Variants in CENPW observed in about 807,000 individuals in gnomAD.
CENPW encodes centromere protein W, also known as cancer-up-regulated gene 2 protein.
A neutral mutation model predicts 11.1 loss-of-function variants in CENPW; 3 were observed. The observed-to-expected ratio is 0.27, with a 90% CI of 0.12 to 0.70. The LOEUF is 0.70. CENPW is among the 30% of genes least tolerant of loss of function. The pLI is 0.77. For synonymous variants in CENPW, 38 were observed against 42.0 expected (o/e 0.91, Z 0.37); for missense variants, 100 against 105.6 (o/e 0.95, Z 0.23).
the CENPW span, among the ~76,000 whole-genome samples, chr6:126,481,304 T>A: frequency 6.6e-6 from 1 of 151,978 alleles, no homozygotes; most frequent in Admixed American, 6.6e-5. Flanking sequence ...ATACTTAGAA[T>A]GTAATTTCTG....
chr6:126,355,813 G>A, the CENPW span, among the ~76,000 whole-genome samples: 1 of 152,030 alleles, frequency 6.6e-6, no homozygotes, highest in Admixed American at 6.6e-5. Flanking sequence ...CAGAATGGAA[G>A]CTCTTCTAGG....
chr6:126,451,299 A>T, the CENPW span, among the ~76,000 whole-genome samples: 1 of 150,918 alleles, frequency 6.6e-6, no homozygotes, highest in Non-Finnish European at 1.5e-5. Flanking sequence ...CTCAGAATGA[A>T]ATATTAGCAA....
the CENPW span, among the ~76,000 whole-genome samples, chr6:126,446,269 C>G: frequency 6.6e-6 from 1 of 150,888 alleles, no homozygotes; most frequent in South Asian, 2.1e-4. Context: ...TTATAATGAA[C>G]CCAGAATACA....
the CENPW span, among the ~76,000 whole-genome samples, chr6:126,476,945 G>A: frequency 2.6e-5 from 4 of 151,900 alleles, no homozygotes; most frequent in African/African-American, 9.7e-5. Flanking sequence ...CAGTTTAAAT[G>A]GGTGACTGTT....
At chr6:126,345,237 C>A (rs1583954668) in intron 1 of CENPW, among the ~76,000 whole-genome samples, 1 of 151,732 alleles carries the variant, frequency 6.6e-6, no homozygotes, top group East Asian at 1.9e-4. Context: ...TTTTATATGA[C>A]ATATCAGAGC....
downstream of CENPW, among the ~76,000 whole-genome samples, chr6:126,353,401 A>C (rs1342177647): frequency 5.3e-5 from 8 of 151,982 alleles, no homozygotes; most frequent in Non-Finnish European, 1.0e-4. Context: ...AATAATGTTA[A>C]AATGTCATTT....
the CENPW span, among the ~76,000 whole-genome samples, chr6:126,431,981 C>G: frequency 6.9e-5 from 10 of 145,972 alleles, no homozygotes; most frequent in African/African-American, 2.5e-4. Flanking sequence ...AGGAGAATCG[C>G]TTGAACCCAG....
the CENPW span, among the ~76,000 whole-genome samples, chr6:126,409,190 T>C: frequency 6.6e-6 from 1 of 152,200 alleles, no homozygotes; most frequent in Non-Finnish European, 1.5e-5. Flanking sequence ...AACTCATTGG[T>C]TGTTCAGGAG....
the CENPW span, among the ~76,000 whole-genome samples, chr6:126,393,738 A>T: frequency 6.7e-6 from 1 of 149,424 alleles, no homozygotes; most frequent in South Asian, 2.1e-4. Flanking sequence ...TATAAATTAT[A>T]TATGGATATA....
At chr6:126,459,100 A>T in the CENPW span, among the ~76,000 whole-genome samples, 2 of 151,372 alleles carry the variant, frequency 1.3e-5, no homozygotes, top group South Asian at 4.2e-4. Context: ...TTGCTATTTA[A>T]TTATTTTGTA....
At chr6:126,357,561 C>A in the CENPW span, among the ~76,000 whole-genome samples, 1 of 151,430 alleles carries the variant, frequency 6.6e-6, no homozygotes, top group African/African-American at 2.4e-5. Flanking sequence ...GAACATTTTT[C>A]GATTTATTTG....
chr6:126,399,956 G>A, the CENPW span, among the ~76,000 whole-genome samples: 20 of 151,974 alleles, frequency 1.3e-4, no homozygotes, highest in East Asian at 3.5e-3. Context: ...ACCAAATAAT[G>A]TTTTTGTATT....
chr6:126,473,943 GTATAGAATATATACAGAATATA>G, the CENPW span, among the ~76,000 whole-genome samples: 1 of 147,498 alleles, frequency 6.8e-6, no homozygotes, highest in East Asian at 2.0e-4. Context: ...TATATAGAAT[GTATAGAATATATACAGAATATA>G]TATAGAATAT....
the CENPW span, among the ~76,000 whole-genome samples, chr6:126,434,599 G>A: frequency 4.8e-3 from 737 of 151,980 alleles, 9 homozygotes; most frequent in African/African-American, 0.016. Context: ...TGAAAACTAC[G>A]TTACAAATTC....
At chr6:126,365,334 G>A in the CENPW span, among the ~76,000 whole-genome samples, 7 of 152,198 alleles carry the variant, frequency 4.6e-5, no homozygotes, top group African/African-American at 1.7e-4. Flanking sequence ...TATAAGAAAA[G>A]AGGTTTAATT....
At chr6:126,398,779 A>T in the CENPW span, among the ~76,000 whole-genome samples, 2 of 151,448 alleles carry the variant, frequency 1.3e-5, no homozygotes, top group Admixed American at 6.6e-5. Flanking sequence ...TAAGCATAGT[A>T]CCCAATATAT....
chr6:126,399,669 C>A, the CENPW span, among the ~76,000 whole-genome samples: 2 of 151,542 alleles, frequency 1.3e-5, no homozygotes, highest in Non-Finnish European at 2.9e-5. Flanking sequence ...TTATGAGTTT[C>A]TCTTTTGATT....
the CENPW span, among the ~76,000 whole-genome samples, chr6:126,354,357 G>A: frequency 6.6e-6 from 1 of 152,068 alleles, no homozygotes; most frequent in Admixed American, 6.5e-5. Context: ...CCTTCTTCTG[G>A]CATGTACCGA....
At chr6:126,380,335 C>G in the CENPW span, among the ~76,000 whole-genome samples, 1 of 152,142 alleles carries the variant, frequency 6.6e-6, no homozygotes, top group Non-Finnish European at 1.5e-5. Context: ...GAAACATATC[C>G]TCTCAGATTA....
Sources: gnomAD v4.1 joint callset for allele counts (sites outside exome capture counted in the v4.1 genomes callset) on GRCh38, gnomAD v4.1.1 for gene constraint, MANE v1.5 for transcripts, NCBI Gene and HGNC (gene_info 2026-07-23, HGNC 2026-07-21) for gene names.